The following OPA1 variants were observed in gnomAD, a reference collection of about 807,000 sequenced individuals.
OPA1 encodes the protein OPA1 mitochondrial dynamin like GTPase, also known as dynamin-like GTPase OPA1, mitochondrial.
A neutral mutation model predicts 152.9 loss-of-function variants in OPA1; 59 were observed. That is an observed-to-expected ratio of 0.39 (90% CI 0.31 to 0.48). OPA1 has a LOEUF of 0.48. Among genes scored for constraint, OPA1 ranks in the 20% least tolerant of loss-of-function variants. OPA1 has a pLI of 0.96. For missense variants in OPA1, 1,008 were observed against 1,216.8 expected, an observed-to-expected ratio of 0.83 and a Z score of 2.55; for synonymous variants, 400 against 389.9, an observed-to-expected ratio of 1.03 and a Z score of -0.31.
intron 29 of OPA1, among the ~76,000 whole-genome samples, chr3:193,675,402 C>T (rs1450068165): frequency 1.3e-5 from 2 of 150,706 alleles, no homozygotes; most frequent in South Asian, 2.1e-4. Flanking sequence ...CGTGTGAGCT[C>T]GAAGCATCCC....
At chr3:193,636,414 A>G (rs983765846) in intron 9 of OPA1, among the ~76,000 whole-genome samples, 2 of 92,442 alleles carry the variant, frequency 2.2e-5, no homozygotes, top group African/African-American at 4.0e-5. Flanking sequence ...TGGGTTGGCA[A>G]TTGCTTGCCA....
At chr3:193,608,792 T>C (rs1166385268) in intron 1 of OPA1, among the ~76,000 whole-genome samples, 3 of 152,126 alleles carry the variant, frequency 2.0e-5, no homozygotes, top group Non-Finnish European at 4.4e-5. Flanking sequence ...TGTCTAATGT[T>C]GACAGTGGGG....
chr3:193,618,755 T>C, intron 5 of OPA1, 114 bp from the exon 6 acceptor site: 2 of 826,160 alleles, frequency 2.4e-6, no homozygotes, highest in Non-Finnish European at 4.2e-6. Context: ...ATTCTTTGAA[T>C]CTGAGTTGCT....
chr3:193,608,754 T>A (rs892019261), intron 1 of OPA1, among the ~76,000 whole-genome samples: 3 of 152,054 alleles, frequency 2.0e-5, no homozygotes, highest in African/African-American at 7.3e-5. Context: ...TTCCTGGATA[T>A]CCTTGTTAAC....
At chr3:193,614,051 GGAA>G (rs1389471441) in intron 1 of OPA1, 9 of 503,554 alleles carry the variant, frequency 1.8e-5, no homozygotes, top group East Asian at 1.1e-4. Context: ...ATTCTCTTCA[GGAA>G]GAAGAAGAGG....
intron 28 of OPA1, 27 bp from the exon 29 acceptor site, chr3:193,667,143 T>C (rs1450671091): frequency 1.9e-6 from 2 of 1,054,784 alleles, no homozygotes; most frequent in Non-Finnish European, 3.0e-6. Flanking sequence ...ACGATGCTCC[T>C]CAGGTTTTTT....
chr3:193,682,202 T>A (rs1037651635), intron 29 of OPA1, among the ~76,000 whole-genome samples: 1 of 152,216 alleles, frequency 6.6e-6, no homozygotes, highest in Non-Finnish European at 1.5e-5. Context: ...AGCCATAACA[T>A]TCCCTTAAGC....
Position 193,643,358 on chromosome 3 carries a change from A to G in OPA1, c.1306-15A>G, listed in dbSNP as rs1185940252. On this transcript the variant is annotated splice_polypyrimidine_tract_variant and intron_variant, in intron 13 of 30. Coordinates refer to ENST00000361510, the MANE Select transcript of OPA1 (RefSeq NM_130837.3). The stretch of plus-strand genomic sequence containing the variant: ...CAAACTTTAGCATTGTTTTATTTTT[A>G]TTTTTCCTGAGTAGACCATATCCTT... 6.3e-7 allele frequency: 1 copy of G among 1,595,122 alleles called. No homozygotes were observed. The highest frequency in any genetic ancestry group is 1.1e-5 in the South Asian group (1 of 90,378).
At chr3:193,596,808 T>G (rs935218336) in intron 1 of OPA1, 1 of 152,192 alleles carries the variant, frequency 6.6e-6, no homozygotes, top group African/African-American at 2.4e-5. Context: ...AGCTGTACGT[T>G]GACAGTTGAA....
intron 29 of OPA1, among the ~76,000 whole-genome samples, chr3:193,676,792 A>AAC (rs1719105498): frequency 6.6e-6 from 1 of 152,134 alleles, no homozygotes; most frequent in African/African-American, 2.4e-5. Flanking sequence ...CATCCTGGCT[A>AAC]ACACAGTGAA....
At chr3:193,664,649 T>G (rs955151670) in intron 26 of OPA1, among the ~76,000 whole-genome samples, 1 of 151,912 alleles carries the variant, frequency 6.6e-6, no homozygotes, top group African/African-American at 2.4e-5. Context: ...TTTAAATCAT[T>G]GCTAATTTTT....
Position 193,593,402 on chromosome 3 carries a change from G to A in OPA1, c.25G>A (p.Val9Met), listed in dbSNP as rs1310378860. ...GATGTGGCGACTACGTCGGGCCGCTGTGGCCTGGTAAGTGCAGGCTCTAAT... is the reference window on the plus strand; with the variant it reads ...GATGTGGCGACTACGTCGGGCCGCTATGGCCTGGTAAGTGCAGGCTCTAAT... Reference protein sequence around the residue: MWRLRRAAVACEVCQSLVK... With the variant: MWRLRRAAMACEVCQSLVK... Residue 9 changes from valine (V) to methionine (M), a missense_variant, in exon 1 of 31, where the codon GTG (valine) becomes ATG (methionine). Physicochemically the swap from Val to Met is conservative, Grantham distance 21. This residue lies in a region of OPA1 where 408 missense variants were observed against 395.1 expected (regional missense o/e 1.03). Transcript: ENST00000361510. 1.9e-6 allele frequency: 3 copies of A among 1,547,940 alleles called. No individual in the cohort carries two copies. The highest frequency in any genetic ancestry group is 1.9e-4 in the Middle Eastern group (1 of 5,332).
chr3:193,603,489 A>C (rs1481875447), intron 1 of OPA1: 1 of 152,224 alleles, frequency 6.6e-6, no homozygotes, highest in African/African-American at 2.4e-5. Flanking sequence ...AGCAATCTGC[A>C]TTTGTAACAG....
At chr3:193,664,138 C>T (rs1165981131) in intron 26 of OPA1, among the ~76,000 whole-genome samples, 1 of 151,936 alleles carries the variant, frequency 6.6e-6, no homozygotes, top group East Asian at 1.9e-4. Context: ...TTTTAAGTGA[C>T]AGTTTGTTCA....
At chr3:193,663,493 T>C (rs1368216736) in intron 26 of OPA1, among the ~76,000 whole-genome samples, 1 of 152,168 alleles carries the variant, frequency 6.6e-6, no homozygotes, top group Non-Finnish European at 1.5e-5. Flanking sequence ...ACTTTTTGCT[T>C]ACCTTCATGA....
chr3:193,691,881 A>C, intron 29 of OPA1, 182 bp from the exon 30 acceptor site: 2 of 530,110 alleles, frequency 3.8e-6, no homozygotes, highest in East Asian at 6.2e-5. Flanking sequence ...CTTCCAAAAA[A>C]TGTCTGAGAC....
rs201202646 is a variant in OPA1, at chr3:193,626,198, G to T, written c.785G>T (p.Arg262Leu). The change falls in exon 7 of 31, where the codon CGC becomes CTC. Residue 262 changes from arginine to leucine, a missense_variant. Arg to Leu is a moderately radical substitution (Grantham distance 102). This residue lies in a region of OPA1 where 408 missense variants were observed against 395.1 expected (regional missense o/e 1.03). Transcript: ENST00000361510. ...QYSTSYAQQK[R>L]KVSDKEKIDQ... ...AGCACGAGCTATGCCCAACAGAAGC[G>T]CAAGGTGATGGATGGTTTAAGGGGG... The T allele has an allele frequency of 1.4e-5, 23 of 1,611,516 alleles. No individual in the cohort carries two copies. The highest frequency in any genetic ancestry group is 1.2e-4 in the Admixed American group (7 of 60,000).
intron 11 of OPA1, among the ~76,000 whole-genome samples, chr3:193,642,250 A>G (rs1733892567): frequency 6.6e-6 from 1 of 152,140 alleles, no homozygotes; most frequent in African/African-American, 2.4e-5. Flanking sequence ...CTCTTCTATT[A>G]TGTCTGTGTA....
At chr3:193,655,152 C>A in intron 22 of OPA1, 125 bp downstream of exon 22, 1 of 845,238 alleles carries the variant, frequency 1.2e-6, no homozygotes, top group Non-Finnish European at 1.9e-6. Flanking sequence ...CTCATTTATT[C>A]TTTATTCCTC....
Sources: gnomAD v4.1 joint callset for allele counts (sites outside exome capture counted in the v4.1 genomes callset) on GRCh38, gnomAD v4.1.1 for gene constraint, gnomAD v4.1.1 regional missense constraint, MANE v1.5 for transcripts, NCBI Gene and HGNC (gene_info 2026-07-23, HGNC 2026-07-21) for gene names.